Variants in OVOL2 observed in about 807,000 individuals in gnomAD.
OVOL2 encodes ovo like zinc finger 2.
OVOL2 carries 13 observed loss-of-function variants against 18.1 expected under a neutral mutation model. The observed-to-expected ratio is 0.72, with a 90% CI of 0.47 to 1.14. The LOEUF (loss-of-function observed/expected upper bound fraction) is 1.14. OVOL2 is among the 50% of genes most tolerant of loss of function. OVOL2 has a pLI of 0.00. For synonymous variants in OVOL2, 166 were observed against 162.7 expected (o/e 1.02, Z -0.16); for missense variants, 335 against 383.0 (o/e 0.87, Z 1.05).
At chr20:18,051,636 T>C (rs147302036) in intron 2 of OVOL2, among the ~76,000 whole-genome samples, 2 of 152,314 alleles carry the variant, frequency 1.3e-5, no homozygotes, top group African/African-American at 2.4e-5. Context: ...ATAGAACTTT[T>C]TGTGGTGACA....
At chr20:18,025,165 C>T (rs886709780) in intron 3 of OVOL2, among the ~76,000 whole-genome samples, 1 of 152,176 alleles carries the variant, frequency 6.6e-6, no homozygotes, top group Non-Finnish European at 1.5e-5. Context: ...AACAAACAAA[C>T]AAACAAACAA....
At chr20:18,028,200 T>C (rs1216136630) in intron 3 of OVOL2, among the ~76,000 whole-genome samples, 1 of 152,012 alleles carries the variant, frequency 6.6e-6, no homozygotes, top group Non-Finnish European at 1.5e-5. Flanking sequence ...TTTTTGAGAC[T>C]GAGTCTTGCT....
chr20:18,055,108 A>C (rs1445305391), intron 2 of OVOL2, among the ~76,000 whole-genome samples: 2 of 152,098 alleles, frequency 1.3e-5, no homozygotes, highest in African/African-American at 4.8e-5. Flanking sequence ...CCCAGCACAC[A>C]GGCAACTAAT....
At chr20:18,034,626 T>TTCTCTTTCTCTCTCTCTCTCTC (rs2036598660) in intron 3 of OVOL2, among the ~76,000 whole-genome samples, 1 of 138,052 alleles carries the variant, frequency 7.2e-6, no homozygotes, top group African/African-American at 2.9e-5. Context: ...CTTCCCCTCT[T>TTCTCTTTCTCTCTCTCTCTCTC]TCTCTCTCTC....
chr20:18,057,779 C>G lies in OVOL2; in HGVS notation c.-145G>C. The G allele has an allele frequency of 7.1e-7, 1 of 1,409,190 alleles. No individual in the cohort carries two copies. Among genetic ancestry groups the G allele is most frequent in the Non-Finnish European group, 9.2e-7 (1 of 1,090,046 alleles). 87.3% of individuals were successfully genotyped at this position (1,409,190 alleles called of 1,614,324 possible). ...CCTCTTCCTCCACCCCCCGCCGCGG[C>G]GCGGCCCAGGCCTCTCCCCCGCACG... On this transcript the variant is annotated 5_prime_UTR_variant, in exon 1 of 4. Transcript: ENST00000278780. This position sits in a 1 kb window ranked among gnomAD's most constrained non-coding sequence, Gnocchi z 6.3.
chr20:18,057,523 G>T lies in OVOL2; in HGVS notation c.100+12C>A. On this transcript the variant is annotated intron_variant, in intron 1 of 3. Coordinates refer to ENST00000278780, the MANE Select transcript of OVOL2 (RefSeq NM_021220.4). This position sits in a 1 kb window ranked among gnomAD's most constrained non-coding sequence, Gnocchi z 6.3. ...AGCCCAGCGCCCAGGCCCGGCCCCC[G>T]CGCGCGCTCACCTGGGATGTAGGTG... is the stretch of plus-strand genomic sequence containing the variant. 6.7e-7 allele frequency: 1 copy of T among 1,484,306 alleles called. No individual in the cohort carries two copies. Among genetic ancestry groups the T allele is most frequent in the Non-Finnish European group, 9.0e-7 (1 of 1,106,444 alleles). The allele number at this position is 1,484,306 out of a possible 1,614,324, so 91.9% of individuals were successfully genotyped here.
intron 3 of OVOL2, 145 bp from the exon 4 acceptor site, chr20:18,025,097 A>C: frequency 1.1e-6 from 1 of 941,292 alleles, no homozygotes; most frequent in Non-Finnish European, 1.6e-6. Context: ...AAAACTGTCT[A>C]CAAAAAATCA....
rs78354880 is a variant in OVOL2 at position 18,056,416 on chromosome 20, G to A, written c.321+241C>T. 0.024 allele frequency among the ~76,000 whole-genome samples: 3,629 copies of A among 152,214 alleles called. 153 individuals carry two copies. Among genetic ancestry groups the A allele is most frequent in the African/African-American group, 0.083 (3,469 of 41,550 alleles). Reference sequence around the variant, plus strand: ...CACTCGGCATCAGGCGGGGCCACCGGGAGGACGGAGCCCACTCCGGGAACC... The same window carrying A: ...CACTCGGCATCAGGCGGGGCCACCGAGAGGACGGAGCCCACTCCGGGAACC... On this transcript the variant is annotated intron_variant, in intron 2 of 3. Transcript: ENST00000278780. The surrounding 1 kb of genome is among the most constrained non-coding windows in gnomAD (Gnocchi z 4.2).
At chr20:18,043,744 T>C (rs2036698690) in intron 2 of OVOL2, among the ~76,000 whole-genome samples, 1 of 152,234 alleles carries the variant, frequency 6.6e-6, no homozygotes, top group Non-Finnish European at 1.5e-5. Context: ...CTGGACTCCC[T>C]GCCCAGTGCT....
chr20:18,028,872 C>A (rs1390962089), intron 3 of OVOL2, among the ~76,000 whole-genome samples: 2 of 151,834 alleles, frequency 1.3e-5, no homozygotes, highest in Admixed American at 6.6e-5. Flanking sequence ...AAGTAATATA[C>A]CCCCCAGTTT....
chr20:18,049,959 G>A (rs1052556431), intron 2 of OVOL2, among the ~76,000 whole-genome samples: 1 of 152,156 alleles, frequency 6.6e-6, no homozygotes, highest in Non-Finnish European at 1.5e-5. Context: ...ACAATGCAAT[G>A]GAACAATGCT....
At chr20:18,037,968 C>T (rs547030614) in intron 3 of OVOL2, among the ~76,000 whole-genome samples, 9 of 152,266 alleles carry the variant, frequency 5.9e-5, no homozygotes, top group Middle Eastern at 3.4e-3. Context: ...TCATTAGCAA[C>T]GCTCTTCCTC....
chr20:18,054,145 C>T (rs998441307), intron 2 of OVOL2, among the ~76,000 whole-genome samples: 1 of 152,158 alleles, frequency 6.6e-6, no homozygotes, highest in African/African-American at 2.4e-5. Flanking sequence ...CATGTTCTAC[C>T]CTCCACTCAT....
At chr20:18,045,907 T>TC (rs879812248) in intron 2 of OVOL2, among the ~76,000 whole-genome samples, 1 of 152,100 alleles carries the variant, frequency 6.6e-6, no homozygotes, top group Non-Finnish European at 1.5e-5. Flanking sequence ...TCTCCACATA[T>TC]CCCTCAGCAA....
At chr20:18,039,554 C>T (rs772864357) in intron 3 of OVOL2, among the ~76,000 whole-genome samples, 2 of 142,078 alleles carry the variant, frequency 1.4e-5, no homozygotes, top group Non-Finnish European at 3.0e-5. Flanking sequence ...ATCAGTTGAG[C>T]CCAGGAGTTG....
chr20:18,039,607 C>CAAAAAAAAA (rs111619803), intron 3 of OVOL2, among the ~76,000 whole-genome samples: 3,103 of 84,154 alleles, frequency 0.037, 61 homozygotes, highest in Non-Finnish European at 0.05. Flanking sequence ...GACGCTGTCT[C>CAAAAAAAAA]AAAAAAAAAA....
chr20:18,026,952 C>T (rs144174485), intron 3 of OVOL2, among the ~76,000 whole-genome samples: 4 of 152,146 alleles, frequency 2.6e-5, no homozygotes, highest in Admixed American at 6.5e-5. Context: ...TACCAGAGGG[C>T]GGACAGAGGG....
intron 2 of OVOL2, among the ~76,000 whole-genome samples, chr20:18,052,051 T>C (rs2122724380): frequency 6.6e-6 from 1 of 152,310 alleles, no homozygotes; most frequent in Admixed American, 6.5e-5. Context: ...AATTGTTAAT[T>C]CTTAATTGAC....
rs957161228 is a variant in OVOL2, at chr20:18,054,356, C to A, written c.321+2301G>T. Among the ~76,000 whole-genome samples the A allele has an allele frequency of 1.3e-4, 20 of 152,206 alleles. No individual in the cohort carries two copies. In the South Asian group the frequency reaches 2.3e-3, roughly 17 times the overall value. ...TTTTTACCTCCTGCTGCCTTGCACA[C>A]CCCAGGTGTTAGACGGGCAGAGTGT... is the stretch of plus-strand genomic sequence containing the variant. On this transcript the variant is annotated intron_variant, in intron 2 of 3. Transcript: ENST00000278780.
Sources: allele counts gnomAD v4.1 joint callset (sites outside exome capture counted in the v4.1 genomes callset), GRCh38; gene constraint gnomAD v4.1.1; non-coding constraint Gnocchi (gnomAD v3.1); transcripts MANE v1.5; gene names NCBI Gene and HGNC (gene_info 2026-07-23, HGNC 2026-07-21).